LIPA: variants seen among roughly 807,000 people sequenced by gnomAD.
LIPA encodes lysosomal acid lipase/cholesteryl ester hydrolase.
A neutral mutation model predicts 40.6 loss-of-function variants in LIPA; 26 were observed. The ratio of observed to expected loss-of-function variants is 0.64; its 90% CI spans 0.47 to 0.89. The LOEUF (loss-of-function observed/expected upper bound fraction) is 0.89. Ranked by LOEUF, LIPA falls within the 40% of genes least tolerant of loss-of-function variation. The pLI is 0.00. For synonymous variants in LIPA, 188 were observed against 168.4 expected, an observed-to-expected ratio of 1.12 and a Z score of -0.90; for missense variants, 455 against 479.6, an observed-to-expected ratio of 0.95 and a Z score of 0.48.
chr10:89,375,304 T>C (rs1844113683), intron 2 of LIPA, among the ~76,000 whole-genome samples: 2 of 152,208 alleles, frequency 1.3e-5, no homozygotes, highest in African/African-American at 2.4e-5. Flanking sequence ...GTAGTCTGAT[T>C]CCAGGTGGCC....
chr10:89,360,865 G>A (rs1244745922), intron 2 of LIPA, among the ~76,000 whole-genome samples: 4 of 152,210 alleles, frequency 2.6e-5, no homozygotes, highest in Non-Finnish European at 5.9e-5. Context: ...GAGCCCAAGA[G>A]CCTAAAATCA....
At chr10:89,221,531 A>G (rs1265087032) in intron 8 of LIPA, among the ~76,000 whole-genome samples, 9 of 152,162 alleles carry the variant, frequency 5.9e-5, no homozygotes, top group Admixed American at 1.3e-4. Context: ...TTTTTAAAGC[A>G]ATTTGGTGAT....
chr10:89,234,848 G>T (rs937041175), intron 3 of LIPA, among the ~76,000 whole-genome samples: 11 of 152,236 alleles, frequency 7.2e-5, no homozygotes, highest in African/African-American at 2.7e-4. Context: ...GTATGCTGTA[G>T]GTACTGTACT....
chr10:89,289,521 G>A (rs955274222), intron 1 of LIPA, among the ~76,000 whole-genome samples: 13 of 152,164 alleles, frequency 8.5e-5, no homozygotes, highest in African/African-American at 3.1e-4. Context: ...CACTGGATGG[G>A]TAGAGGCCTT....
intron 1 of LIPA, among the ~76,000 whole-genome samples, chr10:89,264,296 G>A (rs929682281): frequency 3.3e-5 from 5 of 152,226 alleles, no homozygotes; most frequent in African/African-American, 4.8e-5. Flanking sequence ...GCAAGGTGAA[G>A]AAGTCCTTTA....
intron 8 of LIPA, among the ~76,000 whole-genome samples, chr10:89,216,410 C>CAT (rs10646193): frequency 0.26 from 37,588 of 145,058 alleles, 5,394 homozygotes; most frequent in African/African-American, 0.38. Flanking sequence ...TATATATATA[C>CAT]ATATATATAT....
At chr10:89,339,605 A>G in intron 1 of LIPA, 1 of 1,614,206 alleles carries the variant, frequency 6.2e-7, no homozygotes, top group South Asian at 1.1e-5. Context: ...GCTATGGACT[A>G]TTCGAATAAA....
chr10:89,386,659 T>G (rs913431939), intron 2 of LIPA, among the ~76,000 whole-genome samples: 23 of 152,206 alleles, frequency 1.5e-4, no homozygotes, highest in African/African-American at 4.8e-4. Flanking sequence ...AGCTTTTGGT[T>G]TGGCTCAGTT....
intron 1 of LIPA, among the ~76,000 whole-genome samples, chr10:89,259,385 C>T (rs150363005): frequency 4.1e-4 from 63 of 152,308 alleles, no homozygotes; most frequent in African/African-American, 1.5e-3. Context: ...AATGAGATAA[C>T]ACTATTCTAC....
At chr10:89,229,752 CAA>C (rs11388104) in intron 3 of LIPA, among the ~76,000 whole-genome samples, 14 of 115,786 alleles carry the variant, frequency 1.2e-4, no homozygotes, top group Non-Finnish European at 1.3e-4. Flanking sequence ...GACTCAGTCT[CAA>C]AAAAAAAAAA....
chr10:89,407,767 G>A (rs529125218), intron 2 of LIPA, among the ~76,000 whole-genome samples: 8 of 152,246 alleles, frequency 5.3e-5, no homozygotes, highest in African/African-American at 1.9e-4. Context: ...GGTAAGGGCC[G>A]CTAAGTCCGA....
At chr10:89,339,452 G>T in intron 1 of LIPA, 1 of 1,614,090 alleles carries the variant, frequency 6.2e-7, no homozygotes, top group Non-Finnish European at 8.5e-7. Flanking sequence ...CTGTTTCAAC[G>T]GGTGTTGGAA....
Position 89,214,918 on chromosome 10 carries a change from C to T in LIPA, c.1110G>A (p.Pro370=), listed in dbSNP as rs1381270290. The part of the protein sequence containing the change: ...ITNLVFHESI[P]EWEHLDFIWG... ...AAATGAAGTCAAGATGCTCCCATTC[C>T]GGAATGCTCTCATGGAACACCAAGT... Residue 370 remains proline (P), a synonymous_variant, in exon 10 of 10, where the codon CCG becomes CCA. Transcript: ENST00000336233. 30 of 1,613,876 alleles carry T rather than the reference C, an allele frequency of 1.9e-5. No individual in the cohort carries two copies. The highest frequency in any genetic ancestry group is 4.4e-5 in the South Asian group (4 of 91,080).
chr10:89,395,636 T>A (rs1844331991), intron 2 of LIPA, among the ~76,000 whole-genome samples: 1 of 152,094 alleles, frequency 6.6e-6, no homozygotes, highest in African/African-American at 2.4e-5. Context: ...ATAAACAAGT[T>A]TCCTATAAAA....
At chr10:89,215,151 T>G (rs1054090118) in intron 9 of LIPA, 90 bp from the exon 10 acceptor site, 3 of 971,560 alleles carry the variant, frequency 3.1e-6, no homozygotes, top group Admixed American at 3.7e-5. Flanking sequence ...TTAAACATTG[T>G]CTAGTAAGTT....
chr10:89,281,481 A>T (rs1289752680), intron 1 of LIPA, among the ~76,000 whole-genome samples: 1 of 152,208 alleles, frequency 6.6e-6, no homozygotes, highest in Non-Finnish European at 1.5e-5. Flanking sequence ...CTCTCTTGAC[A>T]TTTTAACAGG....
chr10:89,256,642 T>C (rs114838257), upstream of LIPA, among the ~76,000 whole-genome samples: 13 of 152,356 alleles, frequency 8.5e-5, no homozygotes, highest in African/African-American at 3.1e-4. Context: ...CCTCAGCGTC[T>C]TCACTTGTAA....
chr10:89,249,456 A>G (rs1412276754), intron 1 of LIPA, among the ~76,000 whole-genome samples: 1 of 152,246 alleles, frequency 6.6e-6, no homozygotes, highest in East Asian at 1.9e-4. Context: ...CTTGTACATA[A>G]ATGTTTATAA....
chr10:89,275,200 G>T (rs972340230), intron 1 of LIPA, among the ~76,000 whole-genome samples: 1 of 152,174 alleles, frequency 6.6e-6, no homozygotes, highest in Non-Finnish European at 1.5e-5. Flanking sequence ...TGCTTGGAAC[G>T]TTCAAGCAGG....
Sources: gnomAD v4.1 joint callset for allele counts (sites outside exome capture counted in the v4.1 genomes callset) on GRCh38, gnomAD v4.1.1 for gene constraint, MANE v1.5 for transcripts, NCBI Gene and HGNC (gene_info 2026-07-23, HGNC 2026-07-21) for gene names.